Variants in PRR16 observed in about 807,000 individuals in gnomAD.
The protein encoded by PRR16 is proline rich 16, also known as protein Largen.
A neutral mutation model predicts 18.2 loss-of-function variants in PRR16; 6 were observed. The observed-to-expected ratio is 0.33, with a 90% CI of 0.18 to 0.65. The LOEUF is 0.65. Ranked by LOEUF, PRR16 falls within the 30% of genes least tolerant of loss-of-function variation. The pLI, the probability that PRR16 is intolerant of heterozygous loss-of-function variation, is 0.74. For missense variants in PRR16, 412 were observed against 376.6 expected (o/e 1.09, Z -0.78); for synonymous variants, 151 against 147.8 (o/e 1.02, Z -0.16).
chr5:120,660,319 T>G (rs574167653), intron 1 of PRR16, among the ~76,000 whole-genome samples: 1 of 152,204 alleles, frequency 6.6e-6, no homozygotes, highest in African/African-American at 2.4e-5. Context: ...TAATTCTAAA[T>G]TTTGTCATTG....
chr5:120,617,470 A>C (rs567873809), intron 1 of PRR16, among the ~76,000 whole-genome samples: 1 of 152,288 alleles, frequency 6.6e-6, no homozygotes, highest in South Asian at 2.1e-4. Context: ...TAATATCATA[A>C]ATTTCAGCAA....
At chr5:120,747,584 A>C in the PRR16 span, among the ~76,000 whole-genome samples, 2 of 152,138 alleles carry the variant, frequency 1.3e-5, no homozygotes, top group African/African-American at 2.4e-5. Context: ...TTAACTAAGA[A>C]AGCTACCCTT....
chr5:120,626,134 A>G (rs1487683902), intron 1 of PRR16, among the ~76,000 whole-genome samples: 2 of 152,140 alleles, frequency 1.3e-5, no homozygotes, highest in African/African-American at 4.8e-5. Flanking sequence ...AGCGTTATAA[A>G]CATGTGTATA....
the PRR16 span, among the ~76,000 whole-genome samples, chr5:120,696,758 A>T: frequency 2.6e-4 from 39 of 152,316 alleles, no homozygotes; most frequent in Non-Finnish European, 2.8e-4. Flanking sequence ...AAGGAGAGGA[A>T]GTGAAAAATA....
the PRR16 span, chr5:120,790,338 C>T: frequency 6.6e-6 from 1 of 152,092 alleles, no homozygotes; most frequent in Non-Finnish European, 1.5e-5. Context: ...GTGAGACCAA[C>T]AAAATTAATA....
At chr5:120,716,405 GAT>G in the PRR16 span, among the ~76,000 whole-genome samples, 3 of 152,160 alleles carry the variant, frequency 2.0e-5, no homozygotes, top group South Asian at 6.2e-4. Flanking sequence ...ACCAGCATCA[GAT>G]ATTTGTGGAG....
chr5:120,632,602 T>C (rs1407037928), intron 1 of PRR16, among the ~76,000 whole-genome samples: 1 of 152,004 alleles, frequency 6.6e-6, no homozygotes, highest in East Asian at 1.9e-4. Flanking sequence ...GTCTCAGCAA[T>C]AGACTCGAAG....
intron 1 of PRR16, among the ~76,000 whole-genome samples, chr5:120,681,942 T>A (rs923352175): frequency 6.6e-6 from 1 of 152,242 alleles, no homozygotes; most frequent in African/African-American, 2.4e-5. Flanking sequence ...TATATTTTCT[T>A]GTTTGAAACT....
intron 1 of PRR16, among the ~76,000 whole-genome samples, chr5:120,668,926 G>A (rs890284557): frequency 9.9e-5 from 15 of 151,990 alleles, no homozygotes; most frequent in African/African-American, 2.6e-4. Flanking sequence ...TAACGCGTCC[G>A]CATCAAATAA....
chr5:120,661,120 C>G (rs1302600880), intron 1 of PRR16, among the ~76,000 whole-genome samples: 1 of 152,102 alleles, frequency 6.6e-6, no homozygotes, highest in Non-Finnish European at 1.5e-5. Context: ...TTTATCATAG[C>G]TTGTCCTTTC....
intron 1 of PRR16, among the ~76,000 whole-genome samples, chr5:120,561,753 A>G (rs914015623): frequency 3.3e-5 from 5 of 152,114 alleles, no homozygotes; most frequent in Non-Finnish European, 7.4e-5. Flanking sequence ...TACTATTCTC[A>G]TGATATTGAA....
chr5:120,622,984 T>C lies in PRR16; in HGVS notation c.160-62970T>C, dbSNP rs549407163. Among the ~76,000 whole-genome samples, 5 of 152,286 alleles carry C rather than the reference T, an allele frequency of 3.3e-5. No individual in the cohort carries two copies. The South Asian group carries it at 8.3e-4, about 25-fold the overall frequency. On this transcript the variant is annotated intron_variant, in intron 1 of 1. Transcript: ENST00000407149. Reference sequence around the variant, plus strand: ...CTACTTATAAACACAACACATTTTATGTCTTGGAATTAGGGATTAATTTAT... The same window carrying C: ...CTACTTATAAACACAACACATTTTACGTCTTGGAATTAGGGATTAATTTAT...
chr5:120,728,523 T>C, the PRR16 span, among the ~76,000 whole-genome samples: 1 of 152,150 alleles, frequency 6.6e-6, no homozygotes, highest in Admixed American at 6.6e-5. Flanking sequence ...TCATACTAAA[T>C]TCCCATATGG....
At chr5:120,577,539 C>A (rs567275562) in intron 1 of PRR16, among the ~76,000 whole-genome samples, 1 of 152,114 alleles carries the variant, frequency 6.6e-6, no homozygotes, top group African/African-American at 2.4e-5. Context: ...TTTCAGGGAA[C>A]ACCATTTCAC....
chr5:120,744,798 C>G, the PRR16 span, among the ~76,000 whole-genome samples: 1 of 152,068 alleles, frequency 6.6e-6, no homozygotes, highest in Non-Finnish European at 1.5e-5. Flanking sequence ...AGCTATAGCT[C>G]GCCTCTGTGT....
chr5:120,773,001 C>G, the PRR16 span, among the ~76,000 whole-genome samples: 2 of 152,058 alleles, frequency 1.3e-5, no homozygotes, highest in Non-Finnish European at 2.9e-5. Context: ...GAACAATAGT[C>G]TTGAGGTACT....
At chr5:120,621,167 C>T (rs1260418692) in intron 1 of PRR16, among the ~76,000 whole-genome samples, 1 of 152,092 alleles carries the variant, frequency 6.6e-6, no homozygotes, top group Non-Finnish European at 1.5e-5. Flanking sequence ...ATATGAATTC[C>T]TTACCAAACT....
At chr5:120,792,121 C>T in the PRR16 span, among the ~76,000 whole-genome samples, 43 of 152,070 alleles carry the variant, frequency 2.8e-4, no homozygotes, top group South Asian at 8.9e-3. Flanking sequence ...AAATATTTGA[C>T]AATAAAATTA....
chr5:120,477,321 C>T (rs1026411582), intron 1 of PRR16, among the ~76,000 whole-genome samples: 1 of 149,902 alleles, frequency 6.7e-6, no homozygotes, highest in Non-Finnish European at 1.5e-5. Context: ...CCGGATCTCC[C>T]CCCTCCCACA....
Sources: allele counts gnomAD v4.1 joint callset (sites outside exome capture counted in the v4.1 genomes callset), GRCh38; gene constraint gnomAD v4.1.1; transcripts MANE v1.5; gene names NCBI Gene and HGNC (gene_info 2026-07-23, HGNC 2026-07-21).